HRC: variants seen among roughly 807,000 people sequenced by gnomAD.
HRC encodes the protein histidine rich calcium binding protein.
HRC carries 41 observed loss-of-function variants against 61.4 expected under a neutral mutation model. The ratio of observed to expected loss-of-function variants is 0.67; its 90% CI spans 0.52 to 0.87. The LOEUF is 0.87. HRC is among the 40% of genes least tolerant of loss of function. HRC has a pLI of 0.00. For synonymous variants in HRC, 308 were observed against 326.6 expected (o/e 0.94, Z 0.62); for missense variants, 839 against 885.8 (o/e 0.95, Z 0.67).
chr19:49,152,543 C>T (rs1172707276), intron 2 of HRC, among the ~76,000 whole-genome samples, 165 bp from the exon 3 acceptor site: 1 of 151,826 alleles, frequency 6.6e-6, no homozygotes, highest in African/African-American at 2.4e-5. Flanking sequence ...CTCCCCTCCC[C>T]TGCCCCTGGT....
chr19:49,152,484 C>T (rs2122685309), intron 2 of HRC, 106 bp from the exon 3 acceptor site: 2 of 821,326 alleles, frequency 2.4e-6, no homozygotes, highest in Non-Finnish European at 3.9e-6. Flanking sequence ...ACTCTACCCT[C>T]TTTATCTCTA....
In HRC at chr19:49,155,094, C is replaced by T. The variant is rs746388493; in HGVS notation, c.144G>A (p.Gly48=). The change falls in exon 1 of 6, where the codon GGG becomes GGA. Residue 48 remains glycine, a synonymous_variant. Coordinates refer to ENST00000252825, the MANE Select transcript of HRC (RefSeq NM_002152.3). The surrounding 1 kb of genome is among the most constrained non-coding windows in gnomAD (Gnocchi z 4.7). The part of the protein sequence containing the change: ...RNRNNSTGVA[G]LSEEASAELR... ...GCTCTGCTGATGCCTCCTCGGAGAG[C>T]CCGGCGACTCCAGTGCTGTTGTTCC... is the stretch of plus-strand genomic sequence containing the variant. The T allele has an allele frequency of 6.2e-7, 1 of 1,614,044 alleles. No individual in the cohort carries two copies. Among genetic ancestry groups the T allele is most frequent in the Non-Finnish European group, 8.5e-7 (1 of 1,180,046 alleles).
Position 49,153,811 on chromosome 19 carries a change from T to C in HRC, c.1427A>G (p.His476Arg). 1 of 1,614,076 alleles carries C rather than the reference T, an allele frequency of 6.2e-7. No homozygotes were observed. Among genetic ancestry groups the C allele is most frequent in the Non-Finnish European group, 8.5e-7 (1 of 1,179,994 alleles). The change falls in exon 1 of 6, where the codon CAT (histidine) becomes CGT (arginine). Residue 476 changes from histidine to arginine, a missense_variant. Transcript: ENST00000252825. The surrounding 1 kb of genome is among the most constrained non-coding windows in gnomAD (Gnocchi z 4.8). ...PGHTVVKDRS[H>R]LRKDDSEEEK... is the part of the protein sequence containing the mutation. ...CTCCTCAGAATCATCCTTCCTCAAA[T>C]GGCTTCTATCCTTGACCACTGTGTG... is the stretch of plus-strand genomic sequence containing the variant.
rs768579628 is a variant in HRC, at chr19:49,154,826, C to T, written c.412G>A (p.Gly138Arg). The change falls in exon 1 of 6, where the codon GGG becomes AGG. Residue 138 changes from glycine (G) to arginine (R), a missense_variant. Transcript: ENST00000252825. ...GGQARGHRGHGSEDTEDSAEH... is the reference protein window; with the variant it reads ...GGQARGHRGHRSEDTEDSAEH... Reference sequence around the variant, plus strand: ...GCTGAGTCTTCCGTGTCTTCACTCCCGTGGCCTCTGTGCCCACGGGCCTGC... The same window carrying T: ...GCTGAGTCTTCCGTGTCTTCACTCCTGTGGCCTCTGTGCCCACGGGCCTGC... 13 of 1,614,200 alleles carry T rather than the reference C, an allele frequency of 8.1e-6. No individual in the cohort carries two copies. The highest frequency in any genetic ancestry group is 2.2e-5 in the South Asian group (2 of 91,086).
chr19:49,153,867 G>T lies in HRC; in HGVS notation c.1371C>A (p.Ser457=), dbSNP rs2041386458. 1.2e-6 allele frequency: 2 copies of T among 1,614,048 alleles called. No individual in the cohort carries two copies. The highest frequency in any genetic ancestry group is 1.7e-6 in the Non-Finnish European group (2 of 1,180,026). The change falls in exon 1 of 6, where the codon TCC becomes TCA. Residue 457 remains serine (S), a synonymous_variant. Transcript: ENST00000252825. This position sits in a 1 kb window ranked among gnomAD's most constrained non-coding sequence, Gnocchi z 4.8. ...DEETGHGQRG[S]IKEMSHHPPG... is the part of the protein sequence containing the mutation. ...GGGGGTGATGGCTCATCTCTTTGAT[G>T]GACCCTCTTTGACCATGGCCAGTTT...
intron 4 of HRC, 72 bp downstream of exon 4, chr19:49,151,932 G>T (rs1015070427): frequency 6.9e-7 from 1 of 1,458,706 alleles, no homozygotes. Flanking sequence ...GCCAGGCTCC[G>T]CCCCCACCAG....
At position 49,154,652 on chromosome 19, in the gene HRC, C is replaced by T; in HGVS notation, c.586G>A (p.Glu196Lys). ...TCCTCTTCCTCCTCCTCCTCCTCCT[C>T]CTCCTCTTCTCCTTCATCATCTTCC... ...DGEDDEGEEE[E>K]EEEEEEEEAS... The change falls in exon 1 of 6, where the codon GAG (glutamate) becomes AAG (lysine). Residue 196 changes from glutamate to lysine, a missense_variant. Physicochemically the swap from Glu to Lys is moderately conservative, Grantham distance 56. Transcript: ENST00000252825. 1 of 1,604,482 alleles carries T rather than the reference C, an allele frequency of 6.2e-7. No individual in the cohort carries two copies. Among genetic ancestry groups the T allele is most frequent in the Middle Eastern group, 1.7e-4 (1 of 6,034 alleles).
In HRC at chr19:49,155,068, AGCTCTGCT is replaced by A; in HGVS notation, c.162_169del (p.Ala55SerfsTer8). 1 of 1,614,198 alleles carries A rather than the reference AGCTCTGCT, an allele frequency of 6.2e-7. No individual in the cohort carries two copies. Among genetic ancestry groups the A allele is most frequent in the South Asian group, 1.1e-5 (1 of 91,088 alleles). On this transcript the variant is annotated frameshift_variant, in exon 1 of 6. Transcript: ENST00000252825. LOFTEE classifies it high-confidence loss of function. The surrounding 1 kb of genome is among the most constrained non-coding windows in gnomAD (Gnocchi z 4.7). ...TCTAGGGCTGTGGAGGTGGTGGCGAAGCTCTGCTGATGCCTCCTCGGAGAGCCCGGCGA... is the reference window on the plus strand; with the variant it reads ...TCTAGGGCTGTGGAGGTGGTGGCGAAGATGCCTCCTCGGAGAGCCCGGCGA...
In HRC at chr19:49,153,137, T is replaced by C. The variant is rs1207800204; in HGVS notation, c.1902+124A>G. The C allele has an allele frequency of 1.4e-6, 1 of 730,892 alleles. No individual in the cohort carries two copies. The highest frequency in any genetic ancestry group is 1.7e-5 in the African/African-American group (1 of 57,458). 45.3% of individuals were successfully genotyped at this position (730,892 alleles called of 1,614,324 possible). A position where few individuals can be genotyped will look rare whatever the true frequency, so the allele number is the denominator to read the frequency against. On this transcript the variant is annotated intron_variant, in intron 2 of 5. Transcript: ENST00000252825. The surrounding 1 kb of genome is among the most constrained non-coding windows in gnomAD (Gnocchi z 4.8). ...CTCACCTCACATGCCTGCAGAAGGA[T>C]CTCTTTTCTTTCAGAACTGACCCTG...
intron 4 of HRC, among the ~76,000 whole-genome samples, 161 bp from the exon 5 acceptor site, chr19:49,151,714 G>A (rs987792194): frequency 7.2e-5 from 11 of 152,078 alleles, no homozygotes; most frequent in African/African-American, 2.4e-4. Flanking sequence ...CGTTCTGGGT[G>A]ATTCCGTTCT....
chr19:49,155,088 G>GGA lies in HRC; in HGVS notation c.148_149dup (p.Glu51ProfsTer325). The GGA allele has an allele frequency of 1.2e-6, 2 of 1,614,142 alleles. No homozygotes were observed. The highest frequency in any genetic ancestry group is 1.7e-6 in the Non-Finnish European group (2 of 1,180,036). On this transcript the variant is annotated frameshift_variant, in exon 1 of 6. Transcript: ENST00000252825. LOFTEE classifies it high-confidence loss of function. This position sits in a 1 kb window ranked among gnomAD's most constrained non-coding sequence, Gnocchi z 4.7. ...GGCGAAGCTCTGCTGATGCCTCCTC[G>GGA]GAGAGCCCGGCGACTCCAGTGCTGT...
chr19:49,154,021 A>G lies in HRC; in HGVS notation c.1217T>C (p.Phe406Ser). 6.2e-7 allele frequency: 1 copy of G among 1,613,750 alleles called. No individual in the cohort carries two copies. Among genetic ancestry groups the G allele is most frequent in the Non-Finnish European group, 8.5e-7 (1 of 1,179,966 alleles). Reference sequence around the variant, plus strand: ...GACTTCTGTTTTATACTCATCTTGGAAGTCCTCTTCATCACTCTTGTGGCC... The same window carrying G: ...GACTTCTGTTTTATACTCATCTTGGGAGTCCTCTTCATCACTCTTGTGGCC... ...PRGHKSDEED[F>S]QDEYKTEVPH... The change falls in exon 1 of 6, where the codon TTC becomes TCC. Residue 406 changes from phenylalanine (F) to serine (S), a missense_variant. Phe to Ser is a radical substitution (Grantham distance 155). Coordinates refer to ENST00000252825, the MANE Select transcript of HRC (RefSeq NM_002152.3).
At position 49,154,195 on chromosome 19, in the gene HRC, TG is replaced by T; in HGVS notation, c.1042del (p.His348ThrfsTer27). On this transcript the variant is annotated frameshift_variant, in exon 1 of 6. Transcript: ENST00000252825. LOFTEE classifies it high-confidence loss of function. Reference sequence around the variant, plus strand: ...ATCCTCATCTTCTTCCTCGTCTCTGTGGCCTTGGTGCCTGTGGTCAGGGACA... The same window carrying T: ...ATCCTCATCTTCTTCCTCGTCTCTGTGCCTTGGTGCCTGTGGTCAGGGACA... ...HHVPDHRHQG[H>X]RDEEEDEDVS... 6.2e-7 allele frequency: 1 copy of T among 1,614,048 alleles called. No individual in the cohort carries two copies.
chr19:49,151,909 A>T (rs1600361484), intron 4 of HRC, 95 bp downstream of exon 4: 1 of 1,274,058 alleles, frequency 7.8e-7, no homozygotes, highest in Admixed American at 1.8e-5. Flanking sequence ...GCCCCGCCCC[A>T]CCAGCCTACC....
In HRC at chr19:49,155,314, G is replaced by T; in HGVS notation, c.-77C>A. On this transcript the variant is annotated 5_prime_UTR_variant, in exon 1 of 6. Transcript: ENST00000252825. The surrounding 1 kb of genome is among the most constrained non-coding windows in gnomAD (Gnocchi z 4.7). ...AACGTTGGGGTCTTTGTCCCTTTGG[G>T]GTTGGTCTCTTTTTTTCTCTGTGTC... 1 of 1,479,928 alleles carries T rather than the reference G, an allele frequency of 6.8e-7. No individual in the cohort carries two copies. Among genetic ancestry groups the T allele is most frequent in the East Asian group, 2.4e-5 (1 of 42,288 alleles). The allele number at this position is 1,479,928 out of a possible 1,614,324, so 91.7% of individuals were successfully genotyped here. A position where few individuals can be genotyped will look rare whatever the true frequency, so the allele number is the denominator to read the frequency against.
rs1225206167 is a variant in HRC, at chr19:49,154,076, C to G, written c.1162G>C (p.Gly388Arg). The G allele has an allele frequency of 6.2e-7, 1 of 1,614,022 alleles. No individual in the cohort carries two copies. Among genetic ancestry groups the G allele is most frequent in the African/African-American group, 1.3e-5 (1 of 74,888 alleles). The change falls in exon 1 of 6, where the codon GGC (glycine) becomes CGC (arginine). Residue 388 changes from glycine (G) to arginine (R), a missense_variant. Transcript: ENST00000252825. ...EEEEEITVQFGHYVASHQPRG... is the reference protein window; with the variant it reads ...EEEEEITVQFRHYVASHQPRG... ...GGTTGGTGGCTTGCAACATAGTGGCCGAACTGGACTGTGATCTCCTCTTCT... is the reference window on the plus strand; with the variant it reads ...GGTTGGTGGCTTGCAACATAGTGGCGGAACTGGACTGTGATCTCCTCTTCT...
In HRC at chr19:49,154,052, G is replaced by A. The variant is rs765722315; in HGVS notation, c.1186C>T (p.Pro396Ser). Residue 396 changes from proline to serine, a missense_variant, in exon 1 of 6, where the codon CCT becomes TCT. Transcript: ENST00000252825. Reference protein sequence around the residue: ...QFGHYVASHQPRGHKSDEEDF... With the variant: ...QFGHYVASHQSRGHKSDEEDF... Reference sequence around the variant, plus strand: ...TCTTCATCACTCTTGTGGCCTCGAGGTTGGTGGCTTGCAACATAGTGGCCG... The same window carrying A: ...TCTTCATCACTCTTGTGGCCTCGAGATTGGTGGCTTGCAACATAGTGGCCG... The A allele has an allele frequency of 1.2e-6, 2 of 1,614,152 alleles. No individual in the cohort carries two copies. The highest frequency in any genetic ancestry group is 2.2e-5 in the East Asian group (1 of 44,870).
chr19:49,154,875 C>G lies in HRC; in HGVS notation c.363G>C (p.Glu121Asp), dbSNP rs868339772. 3.7e-6 allele frequency: 6 copies of G among 1,614,198 alleles called. No homozygotes were observed. In the Middle Eastern group the frequency reaches 6.6e-4, roughly 178 times the overall value. ...GCCCACCATGCTCTGCAAAGACCTC[C>G]TCACCTGAGACACCCTCATCTCCGA... ...HKVGDEGVSG[E>D]EVFAEHGGQA... Residue 121 changes from glutamate (E) to aspartate (D), a missense_variant, in exon 1 of 6, where the codon GAG becomes GAC. Transcript: ENST00000252825.
In HRC at chr19:49,153,501, T is replaced by C; in HGVS notation, c.1737A>G (p.Glu579=). 1 of 1,586,588 alleles carries C rather than the reference T, an allele frequency of 6.3e-7. No individual in the cohort carries two copies. Among genetic ancestry groups the C allele is most frequent in the Non-Finnish European group, 8.6e-7 (1 of 1,166,342 alleles). The stretch of plus-strand genomic sequence containing the variant: ...GGATGATGGTGAAGCGGGGCTCATC[T>C]TCCTCCAGCCCCTCCTCCTCCTCCT... ...EEEEEEEGLE[E]DEPRFTIIPN... is the part of the protein sequence containing the mutation. Residue 579 remains glutamate, a synonymous_variant, in exon 1 of 6, where the codon GAA becomes GAG. Coordinates refer to ENST00000252825, the MANE Select transcript of HRC (RefSeq NM_002152.3). The surrounding 1 kb of genome is among the most constrained non-coding windows in gnomAD (Gnocchi z 4.8).
Sources: allele counts gnomAD v4.1 joint callset (sites outside exome capture counted in the v4.1 genomes callset), GRCh38; gene constraint gnomAD v4.1.1; non-coding constraint Gnocchi (gnomAD v3.1); transcripts MANE v1.5; gene names NCBI Gene and HGNC (gene_info 2026-07-23, HGNC 2026-07-21).